SMYD4: variants seen among roughly 807,000 people sequenced by gnomAD.
SMYD4 encodes SET and MYND domain containing 4, also known as protein-lysine N-methyltransferase SMYD4.
A neutral mutation model predicts 72.8 loss-of-function variants in SMYD4; 68 were observed. The ratio of observed to expected loss-of-function variants is 0.93; its 90% CI spans 0.77 to 1.14. SMYD4 has a LOEUF of 1.14. SMYD4 is among the 50% of genes most tolerant of loss of function. The pLI is 0.00. For synonymous variants in SMYD4, 407 were observed against 388.6 expected (o/e 1.05, Z -0.56); for missense variants, 984 against 1,003.7 (o/e 0.98, Z 0.27).
chr17:1,806,631 A>C (rs1293810970), intron 3 of SMYD4, among the ~76,000 whole-genome samples: 1 of 152,228 alleles, frequency 6.6e-6, no homozygotes, highest in Non-Finnish European at 1.5e-5. Flanking sequence ...CCTATCAGGC[A>C]AAGCAAAATA....
At chr17:1,798,234 G>A (rs188524557) in intron 5 of SMYD4, among the ~76,000 whole-genome samples, 1 of 151,150 alleles carries the variant, frequency 6.6e-6, no homozygotes, top group Non-Finnish European at 1.5e-5. Context: ...GGGCTGAAGT[G>A]ATTCTCCTGC....
At chr17:1,784,521 GCTTACAT>G in intron 7 of SMYD4, 60 bp from the exon 8 acceptor site, 1 of 1,605,836 alleles carries the variant, frequency 6.2e-7, no homozygotes, top group Non-Finnish European at 8.5e-7. Flanking sequence ...CACCGCCTGT[GCTTACAT>G]TACAGGACTG....
chr17:1,828,120 G>A, intron 1 of SMYD4, 114 bp from the exon 2 acceptor site: 1 of 1,008,622 alleles, frequency 9.9e-7, no homozygotes, highest in Non-Finnish European at 1.5e-6. Flanking sequence ...GGAAGCCGAG[G>A]TAGGTGGATC....
intron 2 of SMYD4, among the ~76,000 whole-genome samples, chr17:1,816,782 T>C (rs80111930): frequency 0.011 from 1,677 of 151,890 alleles, 33 homozygotes; most frequent in African/African-American, 0.038. Context: ...AAGTGATCTC[T>C]CACTGTGGTT....
chr17:1,799,857 CTG>C lies in SMYD4; in HGVS notation c.1535_1536del (p.Thr512ArgfsTer3). 6.3e-7 allele frequency: 1 copy of C among 1,581,412 alleles called. No homozygotes were observed. Among genetic ancestry groups the C allele is most frequent in the Non-Finnish European group, 8.6e-7 (1 of 1,160,304 alleles). On this transcript the variant is annotated frameshift_variant and splice_region_variant, in exon 5 of 11. Coordinates refer to ENST00000305513, the MANE Select transcript of SMYD4 (RefSeq NM_052928.3). LOFTEE classifies it high-confidence loss of function. ...GCAGGAACATCAGGTTCCCTCTTAC[CTG>C]TGTGTTGTATGGTGGTCATCGCCTG... Reference protein sequence around the residue: ...NAQAMTTIQHTGPKGSIVTDS... With the variant: ...NAQAMTTIQHXGPKGSIVTDS...
Position 1,800,430 on chromosome 17 carries a change from A to G in SMYD4, c.964T>C (p.Cys322Arg). The G allele has an allele frequency of 6.2e-7, 1 of 1,613,912 alleles. No homozygotes were observed. Among genetic ancestry groups the G allele is most frequent in the Middle Eastern group, 1.6e-4 (1 of 6,062 alleles). ...CSYAKYCSQE[C>R]LQQAWELYHR... Reference sequence around the variant, plus strand: ...TAGAGCTCCCAGGCCTGCTGCAAACACTCCTGGCTGCAATACTTGGCATAA... The same window carrying G: ...TAGAGCTCCCAGGCCTGCTGCAAACGCTCCTGGCTGCAATACTTGGCATAA... The change falls in exon 5 of 11, where the codon TGT becomes CGT. Residue 322 changes from cysteine to arginine, a missense_variant. Coordinates refer to ENST00000305513, the MANE Select transcript of SMYD4 (RefSeq NM_052928.3).
chr17:1,790,918 A>G (rs1469363232), intron 5 of SMYD4, among the ~76,000 whole-genome samples: 1 of 151,382 alleles, frequency 6.6e-6, no homozygotes, highest in Non-Finnish European at 1.5e-5. Context: ...CGAGGTCAGG[A>G]GATCGAGACC....
chr17:1,788,783 G>A (rs1908843989), intron 5 of SMYD4, among the ~76,000 whole-genome samples: 1 of 152,066 alleles, frequency 6.6e-6, no homozygotes, highest in African/African-American at 2.4e-5. Flanking sequence ...AAGAAAGCAT[G>A]GTGGATAATT....
intron 2 of SMYD4, among the ~76,000 whole-genome samples, chr17:1,820,704 T>C (rs1363666111): frequency 1.3e-5 from 2 of 152,166 alleles, no homozygotes; most frequent in Admixed American, 1.3e-4. Context: ...TGGGAGATTA[T>C]TAATTGCAGG....
intron 7 of SMYD4, 188 bp from the exon 8 acceptor site, chr17:1,784,649 T>C (rs1006491315): frequency 2.8e-5 from 24 of 853,568 alleles, no homozygotes; most frequent in African/African-American, 3.7e-5. Context: ...TCTAATGAAG[T>C]GTATCAGCAG....
intron 5 of SMYD4, among the ~76,000 whole-genome samples, chr17:1,795,747 GTTT>G (rs368038317): frequency 1.6e-4 from 20 of 128,464 alleles, no homozygotes; most frequent in African/African-American, 5.4e-4. Context: ...TGGCCCGTGA[GTTT>G]TTTTTTTTTT....
intron 2 of SMYD4, among the ~76,000 whole-genome samples, chr17:1,825,537 A>G (rs1034150993): frequency 7.4e-6 from 1 of 135,002 alleles, no homozygotes; most frequent in African/African-American, 2.8e-5. Context: ...TTTGAGAAAT[A>G]GTCTTGTTCT....
intron 8 of SMYD4, 186 bp from the exon 9 acceptor site, chr17:1,783,662 A>G: frequency 1.8e-6 from 2 of 1,098,778 alleles, no homozygotes; most frequent in Non-Finnish European, 2.5e-6. Context: ...TTTCTCTGTC[A>G]GTGGAGAAAG....
At chr17:1,803,718 C>T (rs1324254671) in intron 4 of SMYD4, among the ~76,000 whole-genome samples, 4 of 151,830 alleles carry the variant, frequency 2.6e-5, no homozygotes, top group South Asian at 4.2e-4. Flanking sequence ...AGGCTGGTTT[C>T]GAACTCCTGA....
chr17:1,804,017 A>G (rs1477925969), intron 4 of SMYD4, among the ~76,000 whole-genome samples: 2 of 151,504 alleles, frequency 1.3e-5, no homozygotes, highest in Non-Finnish European at 2.9e-5. Context: ...CTGGGACTAC[A>G]GGTGCCTGCC....
intron 5 of SMYD4, 149 bp downstream of exon 5, chr17:1,799,708 T>C (rs1169058076): frequency 1.1e-5 from 9 of 786,580 alleles, no homozygotes; most frequent in Admixed American, 6.4e-5. Context: ...AGCTTCTTAA[T>C]GGCATTGTGA....
rs182091174 is a variant in SMYD4 at position 1,782,745 on chromosome 17, C to T, written c.2261+290G>A. The T allele has an allele frequency of 3.3e-4, 78 of 233,826 alleles. 1 individual carries two copies. The highest frequency in any genetic ancestry group is 1.7e-3 in the African/African-American group (74 of 42,504). The allele number at this position is 233,826 out of a possible 1,614,324, so 14.5% of individuals were successfully genotyped here. A position where few individuals can be genotyped will look rare whatever the true frequency, so the allele number is the denominator to read the frequency against. ...CTCACTTGAGATCTAAAAGCTTTCCCCATATCTCCCAGGAGGAAATTCTTT... is the reference window on the plus strand; with the variant it reads ...CTCACTTGAGATCTAAAAGCTTTCCTCATATCTCCCAGGAGGAAATTCTTT... On this transcript the variant is annotated intron_variant, in intron 10 of 10. Transcript: ENST00000305513.
intron 5 of SMYD4, among the ~76,000 whole-genome samples, chr17:1,794,874 A>T (rs944942215): frequency 4.6e-5 from 7 of 152,112 alleles, no homozygotes; most frequent in African/African-American, 1.7e-4. Flanking sequence ...CAAAGTTTTC[A>T]GTCTTTCCAT....
rs34791242 is a variant in SMYD4 at position 1,828,243 on chromosome 17, C to T, written c.-12-237G>A. On this transcript the variant is annotated intron_variant, in intron 1 of 10. Coordinates refer to ENST00000305513, the MANE Select transcript of SMYD4 (RefSeq NM_052928.3). ...GCGCACACTTGTAGTCCCAGCTACTCGGGAGGCTGAGGCAAGAGAACTGCG... is the reference window on the plus strand; with the variant it reads ...GCGCACACTTGTAGTCCCAGCTACTTGGGAGGCTGAGGCAAGAGAACTGCG... 2.5e-3 allele frequency among the ~76,000 whole-genome samples: 382 copies of T among 151,180 alleles called. 1 individual carries two copies. Among genetic ancestry groups the T allele is most frequent in the African/African-American group, 8.0e-3 (328 of 41,214 alleles).
Sources: allele counts gnomAD v4.1 joint callset (sites outside exome capture counted in the v4.1 genomes callset), GRCh38; gene constraint gnomAD v4.1.1; transcripts MANE v1.5; gene names NCBI Gene and HGNC (gene_info 2026-07-23, HGNC 2026-07-21).